THNSL2: variants seen among roughly 807,000 people sequenced by gnomAD.
THNSL2 encodes the protein threonine synthase-like 2.
THNSL2 carries 34 observed loss-of-function variants against 40.0 expected under a neutral mutation model. That is an observed-to-expected ratio of 0.85 (90% CI 0.65 to 1.13). The LOEUF (loss-of-function observed/expected upper bound fraction) is 1.13, where lower values mean the gene tolerates loss of function less well. THNSL2 is among the 50% of genes most tolerant of loss of function. THNSL2 has a pLI of 0.00. For missense variants in THNSL2, 537 were observed against 608.8 expected, an observed-to-expected ratio of 0.88 and a Z score of 1.24; for synonymous variants, 241 against 247.5, an observed-to-expected ratio of 0.97 and a Z score of 0.25.
Position 88,185,295 on chromosome 2 carries a change from C to T in THNSL2, c.1078-33C>T, listed in dbSNP as rs201472359. 1,137 of 1,594,664 alleles carry T rather than the reference C, an allele frequency of 7.1e-4. 2 individuals are homozygous for T. The highest frequency in any genetic ancestry group is 9.0e-4 in the Non-Finnish European group (1,051 of 1,169,774). On this transcript the variant is annotated intron_variant, in intron 7 of 8. Coordinates refer to ENST00000674334, the MANE Select transcript of THNSL2 (RefSeq NM_018271.5). Reference sequence around the variant, plus strand: ...GTCATCTTTCCCTACATCCCCCCCCCACACCTCATCTTTCTGACCTGGGAC... The same window carrying T: ...GTCATCTTTCCCTACATCCCCCCCCTACACCTCATCTTTCTGACCTGGGAC...
intron 1 of THNSL2, chr2:88,171,541 G>A (rs1388101329): frequency 6.3e-6 from 2 of 316,648 alleles, no homozygotes; most frequent in Non-Finnish European, 1.3e-5. Context: ...CAGTCGTAGC[G>A]TTTAAGTCTG....
chr2:88,177,861 G>C (rs993421513), intron 4 of THNSL2, among the ~76,000 whole-genome samples: 1 of 152,194 alleles, frequency 6.6e-6, no homozygotes, highest in Non-Finnish European at 1.5e-5. Flanking sequence ...ACCAGGCACT[G>C]ATTGGCTTGG....
At chr2:88,178,527 T>C (rs1310472747) in intron 4 of THNSL2, among the ~76,000 whole-genome samples, 2 of 152,232 alleles carry the variant, frequency 1.3e-5, no homozygotes, top group Non-Finnish European at 2.9e-5. Flanking sequence ...TGGAACTGGT[T>C]CTGGCTACCC....
intron 4 of THNSL2, among the ~76,000 whole-genome samples, chr2:88,177,816 G>A (rs889055728): frequency 7.9e-5 from 12 of 152,240 alleles, no homozygotes; most frequent in African/African-American, 2.9e-4. Flanking sequence ...TTATTCACAT[G>A]CTCATTGTGG....
intron 4 of THNSL2, among the ~76,000 whole-genome samples, chr2:88,177,948 C>A (rs1309679702): frequency 6.6e-6 from 1 of 152,196 alleles, no homozygotes; most frequent in East Asian, 1.9e-4. Flanking sequence ...GTCAGTCCCC[C>A]AGCTCCATTG....
chr2:88,172,460 C>T (rs1676469243), intron 1 of THNSL2: 1 of 152,190 alleles, frequency 6.6e-6, no homozygotes, highest in Non-Finnish European at 1.5e-5. Flanking sequence ...TGAGGGGTTT[C>T]CTAGGACATG....
chr2:88,176,660 T>G (rs920743443), intron 4 of THNSL2: 1 of 152,250 alleles, frequency 6.6e-6, no homozygotes, highest in African/African-American at 2.4e-5. Flanking sequence ...AAAACAAACC[T>G]TATCCAAAGG....
chr2:88,173,489 T>C (rs755534002), intron 2 of THNSL2, 116 bp downstream of exon 2: 89 of 747,936 alleles, frequency 1.2e-4, no homozygotes, highest in Non-Finnish European at 1.6e-4. Context: ...TCTCAAACTT[T>C]GTTTTATTTC....
chr2:88,175,210 TG>T (rs754806386), intron 3 of THNSL2, 38 bp from the exon 4 acceptor site: 239 of 1,595,838 alleles, frequency 1.5e-4, no homozygotes, highest in Non-Finnish European at 2.0e-4. Context: ...TCATTCCCTT[TG>T]TTCTAAAGGG....
At chr2:88,184,563 G>A (rs56107692) in intron 7 of THNSL2, among the ~76,000 whole-genome samples, 2,372 of 151,686 alleles carry the variant, frequency 0.016, 57 homozygotes, top group African/African-American at 0.054. Context: ...TCAGGAGTTT[G>A]AGACCAGCCT....
At position 88,174,818 on chromosome 2, in the gene THNSL2, G is replaced by A. The variant is rs192084638; in HGVS notation, c.403G>A (p.Val135Ile). The change falls in exon 3 of 9, where the codon GTC becomes ATC. Residue 135 changes from valine (V) to isoleucine (I), a missense_variant. Transcript: ENST00000674334. ...QYFLEKREKH[V>I]TVVVGTSGDT... ...CTTCCTGGAGAAGAGGGAGAAGCAC[G>A]TCACTGTGGTTGTAGGTGTGTTTTT... 1.7e-4 allele frequency: 269 copies of A among 1,614,126 alleles called. 2 individuals carry two copies. In the Admixed American group the frequency reaches 2.7e-3, roughly 16 times the overall value.
intron 4 of THNSL2, among the ~76,000 whole-genome samples, chr2:88,177,349 G>A (rs1049981201): frequency 3.9e-5 from 6 of 152,206 alleles, no homozygotes; most frequent in Non-Finnish European, 8.8e-5. Context: ...GGTAAGCTTA[G>A]GGAGTAGGGA....
At chr2:88,172,584 CTAATT>C (rs1558882459) in intron 1 of THNSL2, 2 of 152,156 alleles carry the variant, frequency 1.3e-5, no homozygotes, top group Non-Finnish European at 2.9e-5. Context: ...CATTTAGAGT[CTAATT>C]TAATTGATTC....
chr2:88,177,795 C>G (rs754951343), intron 4 of THNSL2, among the ~76,000 whole-genome samples: 42 of 152,190 alleles, frequency 2.8e-4, no homozygotes, highest in Non-Finnish European at 5.6e-4. Flanking sequence ...TTGTGGTTCA[C>G]TGATCGGAAT....
At position 88,182,842 on chromosome 2, in the gene THNSL2, A is replaced by G. The variant is rs1257697121; in HGVS notation, c.946A>G (p.Ile316Val). Residue 316 changes from isoleucine (I) to valine (V), a missense_variant, in exon 6 of 9, where the codon ATT becomes GTT. Coordinates refer to ENST00000674334, the MANE Select transcript of THNSL2 (RefSeq NM_018271.5). ...VKSTLASAMD[I>V]QVPYNMERVF... ...ATCAACCTTGGCATCAGCTATGGAC[A>G]TTCAGGTAGGCCTGGGGGAGGTGTG... 6.2e-7 allele frequency: 1 copy of G among 1,614,002 alleles called. No homozygotes were observed. The highest frequency in any genetic ancestry group is 1.1e-5 in the South Asian group (1 of 91,072).
intron 1 of THNSL2, chr2:88,171,294 C>G (rs1234719479): frequency 2.2e-6 from 1 of 456,514 alleles, no homozygotes. Flanking sequence ...AGTCCTGTTG[C>G]GTGAGGGGCA....
rs758732808 is a variant in THNSL2 at position 88,182,984 on chromosome 2, T to C, written c.988T>C (p.Ser330Pro). 1.7e-5 allele frequency: 28 copies of C among 1,614,038 alleles called. No individual in the cohort carries two copies. In the Admixed American group the frequency reaches 1.8e-4, roughly 11 times the overall value. Reference sequence around the variant, plus strand: ...CATGGAGAGGGTGTTCTGGCTGCTCTCTGGCTCTGACAGCCAGGTGACAAG... The same window carrying C: ...CATGGAGAGGGTGTTCTGGCTGCTCCCTGGCTCTGACAGCCAGGTGACAAG... ...YNMERVFWLL[S>P]GSDSQVTRAL... Residue 330 changes from serine to proline, a missense_variant, in exon 7 of 9, where the codon TCT becomes CCT. Physicochemically the swap from Ser to Pro is moderately conservative, Grantham distance 74. Transcript: ENST00000674334.
At chr2:88,178,694 GCCTGGGAGGGC>G in intron 4 of THNSL2, 78 bp from the exon 5 acceptor site, 1 of 1,431,974 alleles carries the variant, frequency 7.0e-7, no homozygotes, top group Non-Finnish European at 9.8e-7. Context: ...GGTGGGCTCA[GCCTGGGAGGGC>G]CCTGTCGCAG....
intron 7 of THNSL2, among the ~76,000 whole-genome samples, chr2:88,184,736 C>T (rs1298350019): frequency 1.3e-5 from 2 of 151,718 alleles, no homozygotes; most frequent in South Asian, 2.1e-4. Context: ...TCACGGTTCT[C>T]CAGCCTGAGT....
Sources: allele counts gnomAD v4.1 joint callset (sites outside exome capture counted in the v4.1 genomes callset), GRCh38; gene constraint gnomAD v4.1.1; transcripts MANE v1.5; gene names NCBI Gene and HGNC (gene_info 2026-07-23, HGNC 2026-07-21).